Variants in STON2 observed in about 807,000 individuals in gnomAD.
STON2 encodes the protein stonin-2.
Under a neutral mutation model 65.7 loss-of-function variants are expected in STON2, and 29 were observed. That is an observed-to-expected ratio of 0.44 (90% CI 0.33 to 0.60). The LOEUF is 0.60. Ranked by LOEUF, STON2 falls within the 20% of genes least tolerant of loss-of-function variation. The pLI, the probability that STON2 is intolerant of heterozygous loss-of-function variation, is 0.03. For synonymous variants in STON2, 404 were observed against 414.2 expected, an observed-to-expected ratio of 0.98 and a Z score of 0.30; for missense variants, 1,054 against 1,118.1, an observed-to-expected ratio of 0.94 and a Z score of 0.82.
chr14:81,392,139 A>T (rs2140426656), intron 3 of STON2, among the ~76,000 whole-genome samples: 1 of 152,352 alleles, frequency 6.6e-6, no homozygotes, highest in East Asian at 1.9e-4. Flanking sequence ...TCAAAATCAA[A>T]GCAGCAAACT....
chr14:81,325,180 T>G (rs1896962428), intron 4 of STON2, among the ~76,000 whole-genome samples: 2 of 152,224 alleles, frequency 1.3e-5, no homozygotes, highest in African/African-American at 4.8e-5. Flanking sequence ...GCTAGATACC[T>G]TTCCTTAAAG....
At chr14:81,385,328 A>G (rs1477306058) in intron 3 of STON2, among the ~76,000 whole-genome samples, 1 of 152,240 alleles carries the variant, frequency 6.6e-6, no homozygotes, top group Non-Finnish European at 1.5e-5. Flanking sequence ...CCGTGGCATG[A>G]TGACACTTTT....
intron 5 of STON2, among the ~76,000 whole-genome samples, chr14:81,293,913 T>C (rs1201671045): frequency 1.3e-5 from 2 of 152,220 alleles, no homozygotes; most frequent in Non-Finnish European, 2.9e-5. Flanking sequence ...TGGTGGGTTT[T>C]TTTCTTCAGC....
intron 2 of STON2, among the ~76,000 whole-genome samples, chr14:81,421,724 G>A (rs1566953284): frequency 6.6e-6 from 1 of 152,198 alleles, no homozygotes; most frequent in Non-Finnish European, 1.5e-5. Context: ...TCAAGAGGAA[G>A]AATGGTTGGG....
At chr14:81,375,087 C>G (rs1466704615) in intron 3 of STON2, among the ~76,000 whole-genome samples, 2 of 151,926 alleles carry the variant, frequency 1.3e-5, no homozygotes. Flanking sequence ...AGAAAAATAA[C>G]TATGAAGTTA....
intron 5 of STON2, among the ~76,000 whole-genome samples, chr14:81,316,376 T>C (rs1896620266): frequency 6.6e-6 from 1 of 152,208 alleles, no homozygotes; most frequent in Non-Finnish European, 1.5e-5. Flanking sequence ...TCTAACATTG[T>C]GGTATGGAAA....
intron 2 of STON2, among the ~76,000 whole-genome samples, chr14:81,406,432 A>G (rs1236377334): frequency 2.6e-5 from 4 of 152,118 alleles, no homozygotes; most frequent in South Asian, 4.1e-4. Flanking sequence ...TATTATTAGT[A>G]TATTTACCAG....
At chr14:81,420,131 G>A (rs914977874) in intron 2 of STON2, among the ~76,000 whole-genome samples, 1 of 152,170 alleles carries the variant, frequency 6.6e-6, no homozygotes, top group Non-Finnish European at 1.5e-5. Flanking sequence ...CCTTCAACGT[G>A]GTACTTCATC....
At position 81,263,718 on chromosome 14, in the gene STON2, A is replaced by C. The variant is rs941636813; in HGVS notation, c.*4696T>G. On this transcript the variant is annotated 3_prime_UTR_variant, in exon 8 of 8. Transcript: ENST00000614646. ...CTAAGGTCTAGATATGCTGGAATTA[A>C]CATATAATCCTCATTTTTAGAAGAG... 3.0e-6 allele frequency: 3 copies of C among 985,154 alleles called. No individual in the cohort carries two copies. Among genetic ancestry groups the C allele is most frequent in the Non-Finnish European group, 3.6e-6 (3 of 829,820 alleles). 61.0% of individuals were successfully genotyped at this position (985,154 alleles called of 1,614,324 possible). A position where few individuals can be genotyped will look rare whatever the true frequency, so the allele number is the denominator to read the frequency against.
intron 3 of STON2, among the ~76,000 whole-genome samples, chr14:81,393,611 C>T (rs774604126): frequency 2.0e-5 from 3 of 152,196 alleles, no homozygotes; most frequent in African/African-American, 7.2e-5. Context: ...AATATTAATA[C>T]CTTCCTCATA....
chr14:81,314,407 T>A (rs1896546704), intron 5 of STON2, among the ~76,000 whole-genome samples: 1 of 152,208 alleles, frequency 6.6e-6, no homozygotes. Flanking sequence ...CTTTGAAAAA[T>A]TGAATTCTGT....
At chr14:81,379,990 G>C (rs9323702) in intron 3 of STON2, among the ~76,000 whole-genome samples, 87,644 of 152,116 alleles carry the variant, frequency 0.58, 27,398 homozygotes, top group African/African-American at 0.82. Context: ...CAAAAATTGA[G>C]AAGTGGGACC....
intron 7 of STON2, 181 bp downstream of exon 7, chr14:81,270,489 G>T: frequency 6.6e-7 from 1 of 1,504,198 alleles, no homozygotes. Context: ...TCATCCACTA[G>T]CCAGATTATG....
At chr14:81,388,349 C>T (rs989223988) in intron 3 of STON2, among the ~76,000 whole-genome samples, 2 of 152,142 alleles carry the variant, frequency 1.3e-5, no homozygotes, top group Non-Finnish European at 2.9e-5. Flanking sequence ...AATTAAAGTC[C>T]AAGAGAAAGT....
At chr14:81,407,819 T>G (rs1900943129) in intron 2 of STON2, among the ~76,000 whole-genome samples, 2 of 152,228 alleles carry the variant, frequency 1.3e-5, no homozygotes, top group Non-Finnish European at 2.9e-5. Context: ...AGCTACCTTA[T>G]TGAGCATCTA....
intron 5 of STON2, among the ~76,000 whole-genome samples, chr14:81,308,190 C>T (rs1240075618): frequency 1.3e-5 from 2 of 152,118 alleles, no homozygotes; most frequent in Non-Finnish European, 2.9e-5. Flanking sequence ...TGCAATCTAG[C>T]TCAGACTCAG....
chr14:81,285,639 T>C (rs1365533649), intron 5 of STON2, among the ~76,000 whole-genome samples: 1 of 152,138 alleles, frequency 6.6e-6, no homozygotes, highest in East Asian at 1.9e-4. Context: ...GAAAATAAAG[T>C]ATTTTCTTGA....
At chr14:81,363,027 G>A (rs1465468981) in intron 4 of STON2, among the ~76,000 whole-genome samples, 1 of 152,078 alleles carries the variant, frequency 6.6e-6, no homozygotes, top group Admixed American at 6.5e-5. Flanking sequence ...CTCTATAATT[G>A]CTCCTTCCAG....
At chr14:81,389,505 T>C (rs1232868141) in intron 3 of STON2, among the ~76,000 whole-genome samples, 1 of 152,186 alleles carries the variant, frequency 6.6e-6, no homozygotes, top group African/African-American at 2.4e-5. Flanking sequence ...AAGAAAAGCA[T>C]TTTAGAGTGG....
Sources: gnomAD v4.1 joint callset for allele counts (sites outside exome capture counted in the v4.1 genomes callset) on GRCh38, gnomAD v4.1.1 for gene constraint, MANE v1.5 for transcripts, NCBI Gene and HGNC (gene_info 2026-07-23, HGNC 2026-07-21) for gene names.